Variants in MAP2 observed in about 807,000 individuals in gnomAD.
MAP2 encodes the protein microtubule-associated protein 2.
Under a neutral mutation model 137.6 loss-of-function variants are expected in MAP2, and 14 were observed. The observed-to-expected ratio is 0.10, with a 90% confidence interval of 0.07 to 0.16. The LOEUF (loss-of-function observed/expected upper bound fraction) is 0.16, where lower values mean the gene tolerates loss of function less well. Ranked by LOEUF, MAP2 falls within the 10% of genes least tolerant of loss-of-function variation. The pLI is 1.00. For missense variants in MAP2, 2,088 were observed against 2,191.5 expected (o/e 0.95, Z 0.94); for synonymous variants, 786 against 782.3 (o/e 1.00, Z -0.08).
intron 3 of MAP2, among the ~76,000 whole-genome samples, chr2:209,620,630 G>A (rs2090848417): frequency 6.6e-6 from 1 of 152,172 alleles, no homozygotes; most frequent in Non-Finnish European, 1.5e-5. Context: ...TGGTTTAGTA[G>A]CATGTTAGAC....
chr2:209,662,634 A>G (rs1011205071), intron 5 of MAP2, among the ~76,000 whole-genome samples: 1 of 151,598 alleles, frequency 6.6e-6, no homozygotes, highest in Non-Finnish European at 1.5e-5. Context: ...AATTTTTTTG[A>G]GATTTAAAAA....
At chr2:209,425,112 G>A (rs1005182130) in intron 1 of MAP2, among the ~76,000 whole-genome samples, 11 of 152,044 alleles carry the variant, frequency 7.2e-5, no homozygotes, top group Middle Eastern at 3.2e-3. Context: ...GTGTATAGGG[G>A]GAGGGGTATG....
At chr2:209,465,835 A>G (rs1357418930) in intron 1 of MAP2, among the ~76,000 whole-genome samples, 1 of 152,140 alleles carries the variant, frequency 6.6e-6, no homozygotes, top group African/African-American at 2.4e-5. Context: ...TTTTTAAAAT[A>G]GATATATCAA....
chr2:209,438,526 GAA>G (rs375075241), intron 1 of MAP2, among the ~76,000 whole-genome samples: 65 of 151,606 alleles, frequency 4.3e-4, no homozygotes, highest in African/African-American at 1.5e-3. Flanking sequence ...ATATAATTAG[GAA>G]AAGTCATTGA....
At position 209,693,942 on chromosome 2, in the gene MAP2, A is replaced by G; in HGVS notation, c.1772A>G (p.Asp591Gly). Reference protein sequence around the residue: ...EATKSIEPGSDYYELSDTRES... With the variant: ...EATKSIEPGSGYYELSDTRES... ...ACAAAAAGCATTGAGCCAGGCAGTG[A>G]TTACTATGAACTGAGTGACACTAGA... The change falls in exon 8 of 16, where the codon GAT becomes GGT. Residue 591 changes from aspartate (D) to glycine (G), a missense_variant. Physicochemically the swap from Asp to Gly is moderately conservative, Grantham distance 94. Around this residue, in one of 6 missense-constraint regions of MAP2, gnomAD observed 859 missense variants for 794.5 expected, o/e 1.08. Transcript: ENST00000682079. 3.7e-6 allele frequency: 6 copies of G among 1,613,352 alleles called. No homozygotes were observed. Among genetic ancestry groups the G allele is most frequent in the Non-Finnish European group, 5.1e-6 (6 of 1,179,754 alleles).
At chr2:209,448,217 A>G (rs1343040009) in intron 1 of MAP2, among the ~76,000 whole-genome samples, 2 of 152,166 alleles carry the variant, frequency 1.3e-5, no homozygotes, top group Non-Finnish European at 2.9e-5. Context: ...AATTTGGGCA[A>G]CATGTATAAA....
At chr2:209,613,251 T>TTTTATTTA (rs140601805) in intron 3 of MAP2, among the ~76,000 whole-genome samples, 7 of 150,586 alleles carry the variant, frequency 4.6e-5, no homozygotes, top group Non-Finnish European at 7.4e-5. Context: ...TTATTTCTAT[T>TTTTATTTA]TTTATTTATT....
intron 2 of MAP2, among the ~76,000 whole-genome samples, chr2:209,524,167 A>AT (rs1350713013): frequency 6.6e-6 from 1 of 152,190 alleles, no homozygotes; most frequent in Admixed American, 6.5e-5. Flanking sequence ...TTGAGAAGGC[A>AT]TTTTAGATGC....
intron 11 of MAP2, chr2:209,704,684 G>C: frequency 7.1e-7 from 1 of 1,405,812 alleles, no homozygotes; most frequent in Non-Finnish European, 9.5e-7. Flanking sequence ...TTATGTTATA[G>C]AACCTAATTC....
At chr2:209,631,175 T>C (rs902024974) in intron 4 of MAP2, among the ~76,000 whole-genome samples, 1 of 151,972 alleles carries the variant, frequency 6.6e-6, no homozygotes, top group Non-Finnish European at 1.5e-5. Context: ...CCTGTAAAAA[T>C]AAAACTGCTT....
rs1362227261 is a variant in MAP2, at chr2:209,705,688, C to T, written c.4693C>T (p.Leu1565Phe). ...AGACAGAGATGAGAATTCCTTCTCT[C>T]TCAACAGTTCTATCTCTTCTTCAGC... ...SGDRDENSFS[L>F]NSSISSSARR... Residue 1565 changes from leucine to phenylalanine, a missense_variant, in exon 12 of 16, where the codon CTC becomes TTC. Coordinates refer to ENST00000682079, the MANE Select transcript of MAP2 (RefSeq NM_001375505.1). The T allele has an allele frequency of 2.5e-6, 4 of 1,612,806 alleles. No homozygotes were observed. Among genetic ancestry groups the T allele is most frequent in the African/African-American group, 1.3e-5 (1 of 74,860 alleles).
chr2:209,676,913 C>G (rs1168872663), intron 5 of MAP2, among the ~76,000 whole-genome samples: 1 of 151,160 alleles, frequency 6.6e-6, no homozygotes, highest in Non-Finnish European at 1.5e-5. Flanking sequence ...ATGTAAGCGG[C>G]AATTCTCAAA....
intron 1 of MAP2, among the ~76,000 whole-genome samples, chr2:209,477,437 A>AT (rs890847580): frequency 1.3e-5 from 2 of 151,532 alleles, no homozygotes; most frequent in Non-Finnish European, 2.9e-5. Flanking sequence ...ATACATCATG[A>AT]TTTTTTTTTC....
intron 2 of MAP2, among the ~76,000 whole-genome samples, chr2:209,551,814 C>T (rs1247772489): frequency 1.3e-5 from 2 of 152,132 alleles, no homozygotes; most frequent in Non-Finnish European, 2.9e-5. Context: ...TATGCTGTTA[C>T]TTTGTACACA....
intron 1 of MAP2, among the ~76,000 whole-genome samples, chr2:209,490,539 G>C (rs186620181): frequency 1.5e-5 from 2 of 136,940 alleles, no homozygotes; most frequent in Non-Finnish European, 3.1e-5. Flanking sequence ...GACCCATCTC[G>C]TGTGCAAAGA....
chr2:209,666,301 ATTCT>A (rs1408573291), intron 5 of MAP2, among the ~76,000 whole-genome samples: 1 of 152,032 alleles, frequency 6.6e-6, no homozygotes, highest in African/African-American at 2.4e-5. Context: ...TTCTCATCTA[ATTCT>A]TTATAAATCC....
At chr2:209,624,965 A>G (rs1581122355) in intron 3 of MAP2, 88 bp from the exon 4 acceptor site, 1 of 152,188 alleles carries the variant, frequency 6.6e-6, no homozygotes, top group African/African-American at 2.4e-5. Context: ...AGAGAAAGCC[A>G]CAAGATGAAT....
intron 1 of MAP2, among the ~76,000 whole-genome samples, chr2:209,444,062 A>C (rs1183966569): frequency 6.6e-6 from 1 of 151,664 alleles, no homozygotes; most frequent in African/African-American, 2.4e-5. Flanking sequence ...AGAGATTTTC[A>C]TAAGGTCAGC....
At chr2:209,560,673 G>T (rs954193266) in intron 2 of MAP2, among the ~76,000 whole-genome samples, 24 of 152,082 alleles carry the variant, frequency 1.6e-4, no homozygotes, top group African/African-American at 5.8e-4. Context: ...AAGAGACAGG[G>T]TCTTGCTGTG....
Sources: allele counts gnomAD v4.1 joint callset (sites outside exome capture counted in the v4.1 genomes callset), GRCh38; gene constraint gnomAD v4.1.1; regional missense constraint gnomAD v4.1.1; transcripts MANE v1.5; gene names NCBI Gene and HGNC (gene_info 2026-07-23, HGNC 2026-07-21).